Variants in KHDRBS2 observed in about 807,000 individuals in gnomAD.
The protein encoded by KHDRBS2 is KH domain-containing, RNA-binding, signal transduction-associated protein 2.
KHDRBS2 carries 26 observed loss-of-function variants against 44.3 expected under a neutral mutation model. The ratio of observed to expected loss-of-function variants is 0.59; its 90% CI spans 0.43 to 0.81. The LOEUF (loss-of-function observed/expected upper bound fraction) is 0.81, where lower values mean the gene tolerates loss of function less well. Among genes scored for constraint, KHDRBS2 ranks in the 40% least tolerant of loss-of-function variants. The probability of loss-of-function intolerance (pLI) is 0.00; values close to 1 mark genes in which losing one functional copy is unlikely to be tolerated. For synonymous variants in KHDRBS2, 194 were observed against 151.1 expected (o/e 1.28, Z -2.08); for missense variants, 476 against 433.1 (o/e 1.10, Z -0.88).
chr6:61,941,089 C>T (rs895124480), intron 4 of KHDRBS2, among the ~76,000 whole-genome samples: 4 of 152,172 alleles, frequency 2.6e-5, no homozygotes, highest in Non-Finnish European at 4.4e-5. Flanking sequence ...AGAACAAGCC[C>T]GCCCAGCTTG....
intron 2 of KHDRBS2, among the ~76,000 whole-genome samples, chr6:62,147,304 T>TCTA (rs569338650): frequency 6.2e-4 from 95 of 152,018 alleles, no homozygotes; most frequent in African/African-American, 2.2e-3. Flanking sequence ...CAGAAAATGC[T>TCTA]CTACTAAGCA....
In KHDRBS2 at chr6:62,184,968, C is replaced by T. The variant is rs187770714; in HGVS notation, c.92-7656G>A. Among the ~76,000 whole-genome samples the T allele has an allele frequency of 1.7e-3, 264 of 151,908 alleles. 1 individual carries two copies. The highest frequency in any genetic ancestry group is 1.1e-3 in the Non-Finnish European group (75 of 67,808). On this transcript the variant is annotated intron_variant, in intron 1 of 8. Coordinates refer to ENST00000281156, the MANE Select transcript of KHDRBS2 (RefSeq NM_152688.4). ...GCAAAATTTCTTTGAGCTCCCTTTG[C>T]GGTTTTTGGAGTTAAATCTGGGTGC...
intron 3 of KHDRBS2, among the ~76,000 whole-genome samples, chr6:62,009,714 A>T (rs1479495959): frequency 6.6e-6 from 1 of 152,222 alleles, no homozygotes; most frequent in Non-Finnish European, 1.5e-5. Context: ...GTCAAAGTAG[A>T]GCTCAGGTCA....
chr6:61,777,397 T>C (rs1246085711), intron 6 of KHDRBS2, among the ~76,000 whole-genome samples: 1 of 152,184 alleles, frequency 6.6e-6, no homozygotes, highest in Admixed American at 6.5e-5. Context: ...CAGTTTGCCA[T>C]GCTGTGTTGT....
At chr6:61,642,642 C>G in the KHDRBS2 span, among the ~76,000 whole-genome samples, 1 of 141,954 alleles carries the variant, frequency 7.0e-6, no homozygotes, top group Admixed American at 7.2e-5. Flanking sequence ...GCCTGGGTGA[C>G]AGAGTGAGAC....
intron 6 of KHDRBS2, among the ~76,000 whole-genome samples, chr6:61,799,932 AAC>A (rs1785997076): frequency 6.6e-6 from 1 of 152,146 alleles, no homozygotes; most frequent in Admixed American, 6.6e-5. Context: ...TATGCATCAA[AAC>A]ACATGATATC....
Position 61,840,020 on chromosome 6 carries a change from GT to G in KHDRBS2, c.810+54614del, listed in dbSNP as rs539029916. 1.6e-4 allele frequency among the ~76,000 whole-genome samples: 24 copies of G among 152,084 alleles called. No homozygotes were observed. In the South Asian group the frequency reaches 3.1e-3, roughly 20 times the overall value. ...TGTTTTCAGTAAAATAATCTATTCA[GT>G]TTTTTGTTACCTTTTATAATAATAT... On this transcript the variant is annotated intron_variant, in intron 6 of 8. Transcript: ENST00000281156.
chr6:61,614,777 C>T, the KHDRBS2 span, among the ~76,000 whole-genome samples: 6 of 152,178 alleles, frequency 3.9e-5, no homozygotes, highest in African/African-American at 1.2e-4. Flanking sequence ...ATATTAAGAG[C>T]GCAGGTTCTG....
At chr6:62,025,875 CT>C (rs1290501194) in intron 3 of KHDRBS2, among the ~76,000 whole-genome samples, 1 of 152,026 alleles carries the variant, frequency 6.6e-6, no homozygotes, top group East Asian at 1.9e-4. Flanking sequence ...TAGACATAAA[CT>C]TTAATTACAT....
chr6:62,019,989 C>T (rs562734034), intron 3 of KHDRBS2, among the ~76,000 whole-genome samples: 2 of 150,892 alleles, frequency 1.3e-5, no homozygotes, highest in African/African-American at 4.9e-5. Context: ...TCTTCTTTTC[C>T]TAATTTTAAG....
At chr6:62,248,483 C>T (rs1333685115) in intron 1 of KHDRBS2, among the ~76,000 whole-genome samples, 4 of 151,904 alleles carry the variant, frequency 2.6e-5, no homozygotes, top group East Asian at 3.9e-4. Context: ...CTCAGCCTCC[C>T]GAGTAACTGG....
chr6:62,236,469 T>A (rs949036163), intron 1 of KHDRBS2, among the ~76,000 whole-genome samples: 6 of 152,072 alleles, frequency 3.9e-5, no homozygotes, highest in African/African-American at 1.4e-4. Context: ...TTTAAAATAA[T>A]CTATTAGCAG....
At chr6:61,745,439 T>C (rs187498587) in intron 6 of KHDRBS2, among the ~76,000 whole-genome samples, 4 of 152,260 alleles carry the variant, frequency 2.6e-5, no homozygotes, top group African/African-American at 9.6e-5. Context: ...GAAGTGCTAG[T>C]TTGCTAATGG....
chr6:61,835,217 G>A (rs145785273), intron 6 of KHDRBS2, among the ~76,000 whole-genome samples: 2,434 of 152,166 alleles, frequency 0.016, 32 homozygotes, highest in Non-Finnish European at 0.023. Flanking sequence ...AGATGGAGAT[G>A]ACAACTTCAG....
chr6:61,730,398 T>A (rs1310266964), intron 7 of KHDRBS2, among the ~76,000 whole-genome samples: 3 of 151,990 alleles, frequency 2.0e-5, no homozygotes, highest in Admixed American at 6.6e-5. Flanking sequence ...GACATTCACA[T>A]ACTCAACAAT....
At chr6:61,633,265 G>A in the KHDRBS2 span, among the ~76,000 whole-genome samples, 6 of 152,002 alleles carry the variant, frequency 3.9e-5, no homozygotes, top group Non-Finnish European at 8.8e-5. Flanking sequence ...AGATACTCTC[G>A]AAATATGAAA....
At chr6:61,851,065 C>T (rs1234945549) in intron 6 of KHDRBS2, among the ~76,000 whole-genome samples, 1 of 152,088 alleles carries the variant, frequency 6.6e-6, no homozygotes, top group Non-Finnish European at 1.5e-5. Flanking sequence ...AGCAGCCTCA[C>T]AGTTGGTCAC....
intron 2 of KHDRBS2, among the ~76,000 whole-genome samples, chr6:62,152,395 T>G (rs1815401655): frequency 6.6e-6 from 1 of 152,164 alleles, no homozygotes; most frequent in Admixed American, 6.5e-5. Context: ...TACAAATAAG[T>G]CAGCTAGCAC....
At chr6:62,109,297 C>T (rs553086728) in intron 2 of KHDRBS2, among the ~76,000 whole-genome samples, 2 of 151,822 alleles carry the variant, frequency 1.3e-5, no homozygotes, top group Admixed American at 6.6e-5. Flanking sequence ...AATATCCATT[C>T]CTAATTTTTA....
Sources: allele counts gnomAD v4.1 joint callset (sites outside exome capture counted in the v4.1 genomes callset), GRCh38; gene constraint gnomAD v4.1.1; transcripts MANE v1.5; gene names NCBI Gene and HGNC (gene_info 2026-07-23, HGNC 2026-07-21).